Variants in CNTNAP2 observed in about 807,000 individuals in gnomAD.
CNTNAP2 encodes contactin-associated protein-like 2.
In CNTNAP2, 98 loss-of-function variants were observed where a neutral mutation model predicts 155.2. The observed-to-expected ratio is 0.63, with a 90% CI of 0.54 to 0.75. The LOEUF (loss-of-function observed/expected upper bound fraction) is 0.75. Among genes scored for constraint, CNTNAP2 ranks in the 30% least tolerant of loss-of-function variants. The pLI is 0.00. For synonymous variants in CNTNAP2, 651 were observed against 631.2 expected, an observed-to-expected ratio of 1.03 and a Z score of -0.47; for missense variants, 1,727 against 1,688.1, an observed-to-expected ratio of 1.02 and a Z score of -0.40.
At chr7:147,881,213 G>A (rs989929919) in intron 13 of CNTNAP2, among the ~76,000 whole-genome samples, 2 of 152,168 alleles carry the variant, frequency 1.3e-5, no homozygotes, top group East Asian at 1.9e-4. Flanking sequence ...TTGTTGAAAG[G>A]CCAAAGAGTG....
chr7:147,568,005 G>A (rs1800208000), intron 12 of CNTNAP2, among the ~76,000 whole-genome samples: 2 of 152,150 alleles, frequency 1.3e-5, no homozygotes, highest in Non-Finnish European at 2.9e-5. Context: ...AGAGTCACTT[G>A]AACCCGGGGG....
In CNTNAP2 at chr7:147,992,933, A is replaced by G. The variant is rs1585066817; in HGVS notation, c.2383+14944A>G. ...ACCCTAATCGATTTTGTTTTCTGGT[A>G]TTTAAACCTTTAGAATTTAATTATA... On this transcript the variant is annotated intron_variant, in intron 15 of 23. Transcript: ENST00000361727. Among the ~76,000 whole-genome samples the G allele has an allele frequency of 3.9e-5, 6 of 152,344 alleles. No homozygotes were observed. The South Asian group carries it at 1.2e-3, about 32-fold the overall frequency.
chr7:147,333,487 G>C (rs1182041670), intron 9 of CNTNAP2, among the ~76,000 whole-genome samples: 1 of 152,130 alleles, frequency 6.6e-6, no homozygotes. Context: ...GCTGCATACA[G>C]AAAATGAATC....
At chr7:147,819,048 T>G (rs1222111349) in intron 13 of CNTNAP2, among the ~76,000 whole-genome samples, 2 of 152,184 alleles carry the variant, frequency 1.3e-5, no homozygotes, top group Non-Finnish European at 1.5e-5. Flanking sequence ...CAGAGCAATT[T>G]GGTTTACAGG....
intron 1 of CNTNAP2, among the ~76,000 whole-genome samples, chr7:146,734,118 G>A (rs1472258): frequency 0.17 from 26,291 of 151,950 alleles, 2,530 homozygotes; most frequent in African/African-American, 0.24. Flanking sequence ...AATACAGGAT[G>A]TTTTTCCATT....
intron 9 of CNTNAP2, among the ~76,000 whole-genome samples, chr7:147,375,657 A>G (rs1325585851): frequency 1.3e-5 from 2 of 151,992 alleles, no homozygotes; most frequent in Non-Finnish European, 2.9e-5. Context: ...TGAGTGGTGT[A>G]GCTCACCTCG....
intron 3 of CNTNAP2, chr7:146,962,857 T>C (rs555588337): frequency 1.3e-5 from 2 of 152,354 alleles, no homozygotes; most frequent in Non-Finnish European, 2.9e-5. Flanking sequence ...GCCAACATTA[T>C]AGAATTTTAA....
intron 11 of CNTNAP2, among the ~76,000 whole-genome samples, chr7:147,533,717 A>T (rs1799486445): frequency 6.6e-6 from 1 of 151,984 alleles, no homozygotes. Context: ...TCTCAAAAAA[A>T]AAAAAAGCAC....
intron 11 of CNTNAP2, among the ~76,000 whole-genome samples, chr7:147,514,503 A>G (rs964859314): frequency 1.2e-4 from 19 of 152,044 alleles, no homozygotes; most frequent in African/African-American, 4.6e-4. Context: ...AACTATTCTA[A>G]TGAGGACAAA....
intron 3 of CNTNAP2, among the ~76,000 whole-genome samples, chr7:147,020,805 T>G (rs903016147): frequency 2.6e-5 from 4 of 152,122 alleles, no homozygotes; most frequent in African/African-American, 9.7e-5. Flanking sequence ...GAATATTTCC[T>G]TCATCCCAGC....
At chr7:146,799,298 T>C (rs759931311) in intron 2 of CNTNAP2, among the ~76,000 whole-genome samples, 2 of 152,200 alleles carry the variant, frequency 1.3e-5, no homozygotes, top group Non-Finnish European at 2.9e-5. Flanking sequence ...ACCCATTTCA[T>C]ACTGAAAGAT....
At chr7:147,534,695 A>G (rs1248614682) in intron 11 of CNTNAP2, among the ~76,000 whole-genome samples, 1 of 152,206 alleles carries the variant, frequency 6.6e-6, no homozygotes, top group African/African-American at 2.4e-5. Flanking sequence ...AGAAAGAACT[A>G]GGAATCAAAA....
At chr7:147,859,646 G>A (rs1799104223) in intron 13 of CNTNAP2, among the ~76,000 whole-genome samples, 1 of 152,096 alleles carries the variant, frequency 6.6e-6, no homozygotes, top group South Asian at 2.1e-4. Flanking sequence ...TCTTAATTAT[G>A]GGAGTCCCTG....
intron 1 of CNTNAP2, among the ~76,000 whole-genome samples, chr7:146,176,900 G>A (rs1216693710): frequency 2.0e-5 from 3 of 152,112 alleles, no homozygotes; most frequent in African/African-American, 7.2e-5. Context: ...TCTAGCTATA[G>A]CCACAAGTGG....
chr7:148,403,339 G>T (rs1799631364), intron 22 of CNTNAP2, among the ~76,000 whole-genome samples: 1 of 152,084 alleles, frequency 6.6e-6, no homozygotes, highest in East Asian at 1.9e-4. Flanking sequence ...GCAGAAATAT[G>T]TGGGCTTTTA....
intron 8 of CNTNAP2, among the ~76,000 whole-genome samples, chr7:147,202,794 T>C (rs1295871447): frequency 6.6e-6 from 1 of 151,446 alleles, no homozygotes; most frequent in Non-Finnish European, 1.5e-5. Flanking sequence ...CCAGGGCCTG[T>C]AGGGGGGTAG....
intron 13 of CNTNAP2, among the ~76,000 whole-genome samples, chr7:147,763,912 T>C (rs1048338244): frequency 2.6e-5 from 4 of 152,170 alleles, no homozygotes; most frequent in African/African-American, 9.7e-5. Flanking sequence ...TGCAGGCTCA[T>C]CTTGCTGATA....
intron 1 of CNTNAP2, among the ~76,000 whole-genome samples, chr7:146,179,801 A>G (rs565024709): frequency 6.6e-6 from 1 of 152,328 alleles, no homozygotes; most frequent in African/African-American, 2.4e-5. Context: ...ACTAAAATGA[A>G]AAGAAAAAGT....
chr7:146,644,645 A>T, intron 1 of CNTNAP2, among the ~76,000 whole-genome samples: 1 of 152,016 alleles, frequency 6.6e-6, no homozygotes, highest in East Asian at 1.9e-4. Context: ...ATGATAAAGG[A>T]GATATCACCA....
Sources: allele counts gnomAD v4.1 joint callset (sites outside exome capture counted in the v4.1 genomes callset), GRCh38; gene constraint gnomAD v4.1.1; transcripts MANE v1.5; gene names NCBI Gene and HGNC (gene_info 2026-07-23, HGNC 2026-07-21).